PLEKHA7: variants seen among roughly 807,000 people sequenced by gnomAD.
PLEKHA7 encodes pleckstrin homology domain containing A7, also known as pleckstrin homology domain-containing family A member 7.
Under a neutral mutation model 170.0 loss-of-function variants are expected in PLEKHA7, and 104 were observed. That is an observed-to-expected ratio of 0.61 (90% CI 0.52 to 0.72). PLEKHA7 has a LOEUF of 0.72. PLEKHA7 is among the 30% of genes least tolerant of loss of function. The probability of loss-of-function intolerance (pLI) is 0.00; values close to 1 mark genes in which losing one functional copy is unlikely to be tolerated. For synonymous variants in PLEKHA7, 648 were observed against 660.8 expected (o/e 0.98, Z 0.30); for missense variants, 1,615 against 1,671.7 (o/e 0.97, Z 0.59).
chr11:16,877,206 T>G (rs1855365752), intron 3 of PLEKHA7, among the ~76,000 whole-genome samples: 1 of 151,866 alleles, frequency 6.6e-6, no homozygotes, highest in African/African-American at 2.4e-5. Context: ...CCTGCAGGCC[T>G]GCAGCCACAT....
At chr11:16,854,216 G>A (rs1853234427) in intron 6 of PLEKHA7, among the ~76,000 whole-genome samples, 1 of 152,234 alleles carries the variant, frequency 6.6e-6, no homozygotes, top group African/African-American at 2.4e-5. Flanking sequence ...ACCCAGCCAT[G>A]AACAGAGAAC....
intron 13 of PLEKHA7, 106 bp from the exon 14 acceptor site, chr11:16,803,401 G>A: frequency 8.5e-7 from 1 of 1,171,798 alleles, no homozygotes; most frequent in Non-Finnish European, 1.3e-6. Flanking sequence ...CTTGGCAGTG[G>A]CAGGTAGGGT....
chr11:16,887,438 T>C (rs941105759), intron 3 of PLEKHA7, among the ~76,000 whole-genome samples: 2 of 151,098 alleles, frequency 1.3e-5, no homozygotes, highest in African/African-American at 2.5e-5. Context: ...CTCCCTCCGA[T>C]GCCGAGTCGA....
At chr11:16,886,624 T>C (rs1317352272) in intron 3 of PLEKHA7, among the ~76,000 whole-genome samples, 2 of 151,736 alleles carry the variant, frequency 1.3e-5, no homozygotes, top group African/African-American at 4.8e-5. Flanking sequence ...GGCAGGAGAA[T>C]TGCTTGAACC....
At chr11:16,865,859 A>C (rs1854347569) in intron 4 of PLEKHA7, among the ~76,000 whole-genome samples, 1 of 151,914 alleles carries the variant, frequency 6.6e-6, no homozygotes, top group South Asian at 2.1e-4. Flanking sequence ...ATTTATTGAG[A>C]TGGAGTCTCA....
At chr11:16,967,104 A>G (rs1013888455) in intron 3 of PLEKHA7, among the ~76,000 whole-genome samples, 4 of 152,242 alleles carry the variant, frequency 2.6e-5, no homozygotes, top group Non-Finnish European at 4.4e-5. Flanking sequence ...TGCAGAAAGC[A>G]TTCTAAGACA....
intron 3 of PLEKHA7, among the ~76,000 whole-genome samples, chr11:16,934,556 T>C (rs1860157931): frequency 6.6e-6 from 1 of 152,254 alleles, no homozygotes; most frequent in African/African-American, 2.4e-5. Flanking sequence ...AACTGGCTTT[T>C]TACCTAAACA....
intron 3 of PLEKHA7, among the ~76,000 whole-genome samples, chr11:16,879,213 TCTC>T (rs1245410870): frequency 6.6e-6 from 1 of 152,178 alleles, no homozygotes; most frequent in East Asian, 1.9e-4. Flanking sequence ...GTGTGTTTGT[TCTC>T]CTCCCTGTCC....
chr11:16,790,083 G>A lies in PLEKHA7; in HGVS notation c.3053-205C>T, dbSNP rs1002476923. 30 of 574,248 alleles carry A rather than the reference G, an allele frequency of 5.2e-5. 1 individual carries two copies. In the South Asian group the frequency reaches 5.2e-4, roughly 10 times the overall value. 35.6% of individuals were successfully genotyped at this position (574,248 alleles called of 1,614,324 possible). On this transcript the variant is annotated intron_variant, in intron 21 of 26. Coordinates refer to ENST00000531066, the MANE Select transcript of PLEKHA7 (RefSeq NM_001329630.2). ...CCCAGGGGTGACCTTTGTCCCTGAT[G>A]GGGGGCAGTGTCCCTGCAGATCTGT... is the stretch of plus-strand genomic sequence containing the variant.
chr11:16,827,640 T>C (rs1273963393), intron 9 of PLEKHA7, among the ~76,000 whole-genome samples: 1 of 152,168 alleles, frequency 6.6e-6, no homozygotes, highest in Non-Finnish European at 1.5e-5. Flanking sequence ...CTCTGCCTCC[T>C]TGGGGCAGGG....
rs541906367 is a variant in PLEKHA7 at position 16,928,253 on chromosome 11, C to T, written c.222-57071G>A. Among the ~76,000 whole-genome samples, 27 of 152,100 alleles carry T rather than the reference C, an allele frequency of 1.8e-4. No homozygotes were observed. In the South Asian group the frequency reaches 1.9e-3, roughly 11 times the overall value. ...TGAGCCCAGGAGCTTGAGGTTGCAG[C>T]GAGCTATGATTGCACCACTGCACTC... On this transcript the variant is annotated intron_variant, in intron 3 of 26. Coordinates refer to ENST00000531066, the MANE Select transcript of PLEKHA7 (RefSeq NM_001329630.2).
Position 16,789,812 on chromosome 11 carries a change from C to T in PLEKHA7, c.3119G>A (p.Arg1040Lys). ...CTTGCTGCTTTCGGCATTGAGACCC[C>T]TCCGGAGTGTGACGTAGGGAGCAAT... ...STIAPYVTLR[R>K]GLNAESSKAT... is the part of the protein sequence containing the mutation. The change falls in exon 22 of 27, where the codon AGG (arginine) becomes AAG (lysine). Residue 1040 changes from arginine to lysine, a missense_variant. Transcript: ENST00000531066. The surrounding 1 kb of genome is among the most constrained non-coding windows in gnomAD (Gnocchi z 4.6). The T allele has an allele frequency of 6.2e-7, 1 of 1,614,150 alleles. No homozygotes were observed. The highest frequency in any genetic ancestry group is 8.5e-7 in the Non-Finnish European group (1 of 1,179,994).
At chr11:16,940,191 C>T (rs1205531688) in intron 3 of PLEKHA7, among the ~76,000 whole-genome samples, 1 of 151,916 alleles carries the variant, frequency 6.6e-6, no homozygotes, top group Non-Finnish European at 1.5e-5. Flanking sequence ...GCCCCTAGCA[C>T]AGTGGCTGGC....
Position 16,791,237 on chromosome 11 carries a change from C to T in PLEKHA7, c.2746-38G>A, listed in dbSNP as rs1012501927. On this transcript the variant is annotated intron_variant, in intron 19 of 26. Coordinates refer to ENST00000531066, the MANE Select transcript of PLEKHA7 (RefSeq NM_001329630.2). This position sits in a 1 kb window ranked among gnomAD's most constrained non-coding sequence, Gnocchi z 4.5. The stretch of plus-strand genomic sequence containing the variant: ...AGAACCAGACCAGTGGTCAGCGAGA[C>T]GGAGCTGGAGGGAGGACTGCTAGGT... 2.5e-5 allele frequency: 38 copies of T among 1,541,512 alleles called. No homozygotes were observed. The highest frequency in any genetic ancestry group is 3.5e-4 in the Middle Eastern group (2 of 5,746).
chr11:16,821,888 C>T (rs970635267), intron 10 of PLEKHA7, among the ~76,000 whole-genome samples: 1 of 152,250 alleles, frequency 6.6e-6, no homozygotes. Flanking sequence ...TCTGCTTGCC[C>T]TACTGGAATG....
At chr11:16,953,150 AG>A (rs1303508611) in intron 3 of PLEKHA7, among the ~76,000 whole-genome samples, 2 of 152,240 alleles carry the variant, frequency 1.3e-5, no homozygotes, top group Non-Finnish European at 2.9e-5. Context: ...CCAGATGCAC[AG>A]GAAGGGACAA....
At chr11:16,794,789 T>C (rs1309436759) in intron 18 of PLEKHA7, 75 bp from the exon 19 acceptor site, 38 of 1,550,094 alleles carry the variant, frequency 2.5e-5, no homozygotes, top group Admixed American at 6.7e-5. Flanking sequence ...TGGAGTAATT[T>C]AGCACCTCGA....
rs971076897 is a variant in PLEKHA7 at position 16,817,290 on chromosome 11, C to A, written c.1376G>T (p.Gly459Val). The change falls in exon 11 of 27, where the codon GGT becomes GTT. Residue 459 changes from glycine to valine, a missense_variant. By Grantham distance (109) the Gly-to-Val change is moderately radical (BLOSUM62 -3). Transcript: ENST00000531066. The surrounding 1 kb of genome is among the most constrained non-coding windows in gnomAD (Gnocchi z 4.4). ...LPLDQTLPRQ[G>V]PGQSLSFPEN... ...TGGGAAGGACAGGGATTGGCCAGGA[C>A]CCTGGCGAGGAAGCGTCTGGTCCAA... 5.0e-6 allele frequency: 8 copies of A among 1,612,408 alleles called. No homozygotes were observed. The highest frequency in any genetic ancestry group is 6.8e-6 in the Non-Finnish European group (8 of 1,179,880).
intron 3 of PLEKHA7, among the ~76,000 whole-genome samples, chr11:16,897,684 G>A (rs959930431): frequency 6.6e-6 from 1 of 152,202 alleles, no homozygotes; most frequent in Admixed American, 6.5e-5. Context: ...CTTTCTGAGA[G>A]TTTTCATGAA....
Sources: allele counts gnomAD v4.1 joint callset (sites outside exome capture counted in the v4.1 genomes callset), GRCh38; gene constraint gnomAD v4.1.1; non-coding constraint Gnocchi (gnomAD v3.1); transcripts MANE v1.5; gene names NCBI Gene and HGNC (gene_info 2026-07-23, HGNC 2026-07-21).